Variants in ERC2 observed in about 807,000 individuals in gnomAD.
ERC2 encodes ERC protein 2.
Under a neutral mutation model 114.8 loss-of-function variants are expected in ERC2, and 42 were observed. The observed-to-expected ratio is 0.37, with a 90% CI of 0.29 to 0.47. The LOEUF (loss-of-function observed/expected upper bound fraction) is 0.47, where lower values mean the gene tolerates loss of function less well. Ranked by LOEUF, ERC2 falls within the 20% of genes least tolerant of loss-of-function variation. The pLI is 0.99. For missense variants in ERC2, 939 were observed against 1,150.7 expected, an observed-to-expected ratio of 0.82 and a Z score of 2.66; for synonymous variants, 454 against 425.5, an observed-to-expected ratio of 1.07 and a Z score of -0.82.
intron 13 of ERC2, among the ~76,000 whole-genome samples, chr3:55,947,142 G>T (rs953093819): frequency 1.1e-4 from 16 of 152,044 alleles, no homozygotes; most frequent in African/African-American, 3.9e-4. Context: ...GACTGTCTTG[G>T]ATAATCGGAG....
At chr3:55,737,889 A>G (rs1476112752) in intron 14 of ERC2, among the ~76,000 whole-genome samples, 3 of 152,174 alleles carry the variant, frequency 2.0e-5, no homozygotes, top group Admixed American at 1.3e-4. Context: ...TTACTGCCCC[A>G]TATAATAGTG....
chr3:56,121,619 G>C (rs2079582479), intron 6 of ERC2, among the ~76,000 whole-genome samples: 1 of 152,096 alleles, frequency 6.6e-6, no homozygotes, highest in South Asian at 2.1e-4. Context: ...TCTTAAGCAA[G>C]AGTTTTTACA....
chr3:56,467,039 G>T (rs1296348874), intron 1 of ERC2: 1 of 152,234 alleles, frequency 6.6e-6, no homozygotes, highest in Non-Finnish European at 1.5e-5. Flanking sequence ...AAGGGATGGG[G>T]AGGACAAGGA....
chr3:55,628,345 T>A (rs1473246482), intron 17 of ERC2, among the ~76,000 whole-genome samples: 1 of 152,262 alleles, frequency 6.6e-6, no homozygotes, highest in East Asian at 1.9e-4. Flanking sequence ...ACTGAGAAAC[T>A]GAGTTAAACA....
At chr3:56,441,468 G>T (rs2062302986) in intron 1 of ERC2, among the ~76,000 whole-genome samples, 1 of 152,146 alleles carries the variant, frequency 6.6e-6, no homozygotes, top group Admixed American at 6.5e-5. Flanking sequence ...AAACACTTAG[G>T]TAATTATTTT....
At chr3:55,749,691 C>G (rs1378462400) in intron 14 of ERC2, among the ~76,000 whole-genome samples, 3 of 152,156 alleles carry the variant, frequency 2.0e-5, no homozygotes, top group African/African-American at 4.8e-5. Flanking sequence ...AGGACAGAAA[C>G]AGAACATGGG....
intron 2 of ERC2, among the ~76,000 whole-genome samples, chr3:56,332,290 A>C (rs2057660918): frequency 6.6e-6 from 1 of 152,250 alleles, no homozygotes; most frequent in Non-Finnish European, 1.5e-5. Context: ...CAAAGCATCC[A>C]AGCTCATACA....
At chr3:55,541,278 T>C (rs982037090) in intron 17 of ERC2, among the ~76,000 whole-genome samples, 2 of 152,142 alleles carry the variant, frequency 1.3e-5, no homozygotes, top group East Asian at 3.9e-4. Context: ...TCCATGCTTT[T>C]AAAAATTAAG....
At chr3:56,427,865 T>C (rs9855014) in intron 2 of ERC2, among the ~76,000 whole-genome samples, 42,774 of 152,028 alleles carry the variant, frequency 0.28, 6,365 homozygotes, top group Admixed American at 0.43. Context: ...CCAACATATC[T>C]TTTTGTGGGG....
At chr3:55,601,715 A>G (rs2058414918) in intron 17 of ERC2, among the ~76,000 whole-genome samples, 1 of 152,204 alleles carries the variant, frequency 6.6e-6, no homozygotes. Context: ...GTCTGTAAGC[A>G]CTTTGGGAGG....
intron 4 of ERC2, among the ~76,000 whole-genome samples, chr3:56,153,160 T>A (rs956453466): frequency 6.6e-6 from 1 of 152,162 alleles, no homozygotes; most frequent in Non-Finnish European, 1.5e-5. Context: ...TCTCATTCAT[T>A]CATTAATTCA....
At chr3:56,348,755 G>A (rs532515371) in intron 2 of ERC2, among the ~76,000 whole-genome samples, 3 of 151,724 alleles carry the variant, frequency 2.0e-5, no homozygotes, top group African/African-American at 4.8e-5. Flanking sequence ...AAGATTTGAC[G>A]ATTGAAACTA....
chr3:55,808,423 C>G (rs991518581), intron 14 of ERC2, among the ~76,000 whole-genome samples: 6 of 151,888 alleles, frequency 4.0e-5, no homozygotes, highest in Non-Finnish European at 5.9e-5. Context: ...CAGTCACAAA[C>G]CATTTACATC....
chr3:55,987,785 A>C (rs1301195588), intron 11 of ERC2, among the ~76,000 whole-genome samples: 1 of 152,176 alleles, frequency 6.6e-6, no homozygotes, highest in Non-Finnish European at 1.5e-5. Context: ...CTCAGTGTCC[A>C]AATGTCTGGT....
chr3:56,358,244 A>G (rs965210552), intron 2 of ERC2, among the ~76,000 whole-genome samples: 7 of 152,234 alleles, frequency 4.6e-5, no homozygotes, highest in African/African-American at 1.7e-4. Flanking sequence ...CAATATTTCT[A>G]AAGTGACTGA....
chr3:55,548,010 A>G (rs2054879515), intron 17 of ERC2, among the ~76,000 whole-genome samples: 1 of 152,310 alleles, frequency 6.6e-6, no homozygotes, highest in Admixed American at 6.5e-5. Context: ...TCTAGCCCGG[A>G]GTTGAAGATG....
chr3:56,247,469 TTCTGC>T (rs1415519296), intron 3 of ERC2, among the ~76,000 whole-genome samples: 1 of 152,248 alleles, frequency 6.6e-6, no homozygotes, highest in African/African-American at 2.4e-5. Context: ...AACATTTCCC[TTCTGC>T]TTCAGTGTAA....
At chr3:55,946,286 C>T (rs985729721) in intron 13 of ERC2, among the ~76,000 whole-genome samples, 1 of 152,124 alleles carries the variant, frequency 6.6e-6, no homozygotes, top group South Asian at 2.1e-4. Flanking sequence ...AAGAAAATCA[C>T]GATCTTTCAC....
chr3:56,094,893 ACT>A lies in ERC2; in HGVS notation c.1474-13911_1474-13910del, dbSNP rs1163954840. 4.6e-5 allele frequency among the ~76,000 whole-genome samples: 7 copies of A among 152,314 alleles called. 1 individual carries two copies. Among genetic ancestry groups the A allele is most frequent in the Middle Eastern group, 6.8e-3 (2 of 294 alleles). ...AATAATAACAGTGAAACTTTACCTA[ACT>A]CTTTATGACAAAAATAAATTCCTAA... On this transcript the variant is annotated intron_variant, in intron 6 of 17. Transcript: ENST00000288221.
Sources: gnomAD v4.1 joint callset for allele counts (sites outside exome capture counted in the v4.1 genomes callset) on GRCh38, gnomAD v4.1.1 for gene constraint, MANE v1.5 for transcripts, NCBI Gene and HGNC (gene_info 2026-07-23, HGNC 2026-07-21) for gene names.